The following CSMD1 variants were observed in gnomAD, a reference collection of about 807,000 sequenced individuals.
CSMD1 encodes the protein CUB and sushi domain-containing protein 1.
In CSMD1, 213 loss-of-function variants were observed where a neutral mutation model predicts 417.5. The observed-to-expected ratio is 0.51, with a 90% CI of 0.46 to 0.57. The LOEUF (loss-of-function observed/expected upper bound fraction) is 0.57. CSMD1 is among the 20% of genes least tolerant of loss of function. The pLI, the probability that CSMD1 is intolerant of heterozygous loss-of-function variation, is 0.00. For synonymous variants in CSMD1, 2,862 were observed against 1,736.8 expected, an observed-to-expected ratio of 1.65 and a Z score of -16.11; for missense variants, 6,923 against 4,529.7, an observed-to-expected ratio of 1.53 and a Z score of -15.17.
intron 2 of CSMD1, among the ~76,000 whole-genome samples, chr8:4,491,530 G>A (rs1030469819): frequency 6.6e-6 from 1 of 151,858 alleles, no homozygotes; most frequent in Non-Finnish European, 1.5e-5. Context: ...ACATTTCATA[G>A]TCTGTCTCCT....
chr8:3,035,077 C>T (rs1428879471), intron 50 of CSMD1, among the ~76,000 whole-genome samples: 2 of 152,082 alleles, frequency 1.3e-5, no homozygotes, highest in Non-Finnish European at 2.9e-5. Context: ...GGAGGCAACA[C>T]GAAACAGCCT....
chr8:4,185,372 C>T (rs1798604595), intron 3 of CSMD1, among the ~76,000 whole-genome samples: 1 of 152,032 alleles, frequency 6.6e-6, no homozygotes, highest in Admixed American at 6.6e-5. Context: ...TTAAATTGGA[C>T]AGGGCTTTTA....
chr8:4,768,458 T>C (rs966824691), intron 1 of CSMD1, among the ~76,000 whole-genome samples: 7 of 152,232 alleles, frequency 4.6e-5, no homozygotes, highest in African/African-American at 1.7e-4. Context: ...AATGCATTAT[T>C]TGCAGTTGAT....
intron 7 of CSMD1, among the ~76,000 whole-genome samples, chr8:3,707,858 G>T (rs76070030): frequency 0.062 from 9,395 of 152,206 alleles, 386 homozygotes; most frequent in Non-Finnish European, 0.098. Context: ...GCAGGTGTGG[G>T]AGACACCTTC....
At chr8:3,069,403 C>T (rs1813174434) in intron 49 of CSMD1, among the ~76,000 whole-genome samples, 1 of 151,472 alleles carries the variant, frequency 6.6e-6, no homozygotes, top group African/African-American at 2.4e-5. Flanking sequence ...CCACTGCACA[C>T]CAGCATGGGT....
intron 2 of CSMD1, among the ~76,000 whole-genome samples, chr8:4,450,762 A>T (rs1799092694): frequency 1.3e-5 from 2 of 152,346 alleles, no homozygotes; most frequent in South Asian, 4.1e-4. Flanking sequence ...GTCTCTTCAC[A>T]AATTGAAAGC....
chr8:4,170,500 T>C (rs2131134772), intron 3 of CSMD1, among the ~76,000 whole-genome samples: 1 of 152,058 alleles, frequency 6.6e-6, no homozygotes. Context: ...ATGAGATTAA[T>C]GAAATGTTAT....
intron 10 of CSMD1, among the ~76,000 whole-genome samples, chr8:3,554,587 A>G (rs1300772857): frequency 1.3e-5 from 2 of 152,184 alleles, no homozygotes; most frequent in African/African-American, 2.4e-5. Context: ...CCCCTCTAAC[A>G]AGGCACAGCA....
chr8:4,170,017 T>C (rs890511283), intron 3 of CSMD1, among the ~76,000 whole-genome samples: 10 of 151,718 alleles, frequency 6.6e-5, no homozygotes, highest in African/African-American at 2.4e-4. Context: ...GATCGTAAAA[T>C]CAATAAGAGA....
intron 1 of CSMD1, among the ~76,000 whole-genome samples, chr8:4,693,243 G>T (rs1394195468): frequency 6.6e-6 from 1 of 152,214 alleles, no homozygotes; most frequent in East Asian, 1.9e-4. Flanking sequence ...AGCAAGAAAT[G>T]TTCTCTGCCA....
At chr8:4,423,194 C>A (rs1797348359) in intron 2 of CSMD1, among the ~76,000 whole-genome samples, 1 of 152,016 alleles carries the variant, frequency 6.6e-6, no homozygotes, top group Non-Finnish European at 1.5e-5. Context: ...CAATATCGTG[C>A]TGGAATATCC....
chr8:4,262,139 A>G (rs1803930388), intron 3 of CSMD1, among the ~76,000 whole-genome samples: 2 of 152,092 alleles, frequency 1.3e-5, no homozygotes, highest in African/African-American at 4.8e-5. Flanking sequence ...TAGAGTTCTA[A>G]TTCTGCTATT....
At chr8:4,469,549 G>A (rs916253329) in intron 2 of CSMD1, among the ~76,000 whole-genome samples, 2 of 152,032 alleles carry the variant, frequency 1.3e-5, no homozygotes, top group South Asian at 2.1e-4. Flanking sequence ...CTCAATTAAC[G>A]GCAAACCTAT....
chr8:3,085,047 A>G (rs966012535), intron 49 of CSMD1, among the ~76,000 whole-genome samples: 1 of 152,144 alleles, frequency 6.6e-6, no homozygotes, highest in Admixed American at 6.5e-5. Flanking sequence ...TAAAATATAG[A>G]TTCTTTCAGA....
At chr8:4,698,792 T>C (rs998451109) in intron 1 of CSMD1, among the ~76,000 whole-genome samples, 1 of 151,864 alleles carries the variant, frequency 6.6e-6, no homozygotes, top group Non-Finnish European at 1.5e-5. Flanking sequence ...AAACAATTCT[T>C]GCTTCTTATA....
intron 5 of CSMD1, among the ~76,000 whole-genome samples, chr8:3,911,646 T>C (rs1808476318): frequency 6.6e-6 from 1 of 152,122 alleles, no homozygotes; most frequent in Non-Finnish European, 1.5e-5. Flanking sequence ...GTGGCTTTCA[T>C]AATCACCTCT....
At chr8:3,849,495 T>C (rs1803737603) in intron 5 of CSMD1, among the ~76,000 whole-genome samples, 1 of 152,106 alleles carries the variant, frequency 6.6e-6, no homozygotes, top group Non-Finnish European at 1.5e-5. Flanking sequence ...ATCCATCAAA[T>C]AAATGAGTAA....
chr8:4,963,285 C>G (rs1224820449), intron 1 of CSMD1, among the ~76,000 whole-genome samples: 7 of 152,186 alleles, frequency 4.6e-5, no homozygotes, highest in Non-Finnish European at 1.0e-4. Flanking sequence ...ACTGTAACCT[C>G]CACCTCCGGG....
intron 29 of CSMD1, among the ~76,000 whole-genome samples, chr8:3,215,306 A>G (rs568413701): frequency 2.1e-4 from 32 of 152,380 alleles, no homozygotes; most frequent in African/African-American, 7.7e-4. Context: ...AGAAAAAAAT[A>G]CATTGACTGA....
Sources: gnomAD v4.1 joint callset for allele counts (sites outside exome capture counted in the v4.1 genomes callset) on GRCh38, gnomAD v4.1.1 for gene constraint, MANE v1.5 for transcripts, NCBI Gene and HGNC (gene_info 2026-07-23, HGNC 2026-07-21) for gene names.